Variants in POU2F2 observed in about 807,000 individuals in gnomAD.
POU2F2 encodes POU class 2 homeobox 2.
A neutral mutation model predicts 63.5 loss-of-function variants in POU2F2; 14 were observed. The ratio of observed to expected loss-of-function variants is 0.22; its 90% CI spans 0.15 to 0.34. The LOEUF (loss-of-function observed/expected upper bound fraction) is 0.34, where lower values mean the gene tolerates loss of function less well. Among genes scored for constraint, POU2F2 ranks in the 10% least tolerant of loss-of-function variants. POU2F2 has a pLI of 1.00. For missense variants in POU2F2, 607 were observed against 815.2 expected, an observed-to-expected ratio of 0.74 and a Z score of 3.11; for synonymous variants, 306 against 348.6, an observed-to-expected ratio of 0.88 and a Z score of 1.36.
Position 42,153,677 on chromosome 19 carries a change from G to C in POU2F2, c.-9+6655C>G, listed in dbSNP as rs1405932257. ...TTTCTCTGTGTGTCTATGTGATGCT[G>C]TGTGTCCCTGTGTGCCGATGGTCGA... On this transcript the variant is annotated intron_variant, in intron 2 of 6. Coordinates refer to the POU2F2 transcript ENST00000524801. This position sits in a 1 kb window ranked among gnomAD's most constrained non-coding sequence, Gnocchi z 5.6. 6.6e-6 allele frequency among the ~76,000 whole-genome samples: 1 copy of C among 152,184 alleles called. No individual in the cohort carries two copies. The highest frequency in any genetic ancestry group is 2.4e-5 in the African/African-American group (1 of 41,452).
Position 42,096,260 on chromosome 19 carries a change from G to A in POU2F2, c.568-17C>T. The A allele has an allele frequency of 6.5e-7, 1 of 1,542,336 alleles. No homozygotes were observed. The highest frequency in any genetic ancestry group is 1.2e-5 in the South Asian group (1 of 80,784). ...GGTCACGGCCTGGTGGGGTGGGCAG[G>A]TGGGTGGGATGCAGGGCGGAGGACC... On this transcript the variant is annotated splice_polypyrimidine_tract_variant and intron_variant, in intron 7 of 14. Transcript: ENST00000692977. The surrounding 1 kb of genome is among the most constrained non-coding windows in gnomAD (Gnocchi z 4.1).
intron 1 of POU2F2, among the ~76,000 whole-genome samples, chr19:42,195,455 C>T (rs1283186667): frequency 1.3e-5 from 2 of 151,386 alleles, no homozygotes; most frequent in African/African-American, 2.4e-5. Flanking sequence ...GCCTCAGCCT[C>T]CCCAGTACCT....
At chr19:42,166,504 A>G (rs1438756354) in intron 1 of POU2F2, among the ~76,000 whole-genome samples, 1 of 152,204 alleles carries the variant, frequency 6.6e-6, no homozygotes, top group East Asian at 1.9e-4. Context: ...GAGGCTTAAA[A>G]GGAGTGATGT....
rs2076748665 is a variant in POU2F2 at position 42,092,214 on chromosome 19, C to A, written c.1321G>T (p.Gly441Cys). ...GGCGCAGCCCCGCCCCCGCCCCCAC[C>A]CCCTCCAGCTGTCCGGCTGGGGTGG... ...TLHPSRTAGGGGGGGGAAPPL... is the reference protein window; with the variant it reads ...TLHPSRTAGGCGGGGGAAPPL... The change falls in exon 13 of 15, where the codon GGT (glycine) becomes TGT (cysteine). Residue 441 changes from glycine (G) to cysteine (C), a missense_variant. Coordinates refer to ENST00000692977, the MANE Select transcript of POU2F2 (RefSeq NM_001394376.1). The surrounding 1 kb of genome is among the most constrained non-coding windows in gnomAD (Gnocchi z 5.0). 1 of 1,568,952 alleles carries A rather than the reference C, an allele frequency of 6.4e-7. No individual in the cohort carries two copies. The highest frequency in any genetic ancestry group is 1.3e-5 in the African/African-American group (1 of 74,508).
At chr19:42,129,432 G>A (rs1031350610) in intron 1 of POU2F2, among the ~76,000 whole-genome samples, 1 of 151,926 alleles carries the variant, frequency 6.6e-6, no homozygotes, top group African/African-American at 2.4e-5. Flanking sequence ...GGGACTCTTG[G>A]TCCTCTCCAC....
chr19:42,122,620 C>T, intron 1 of POU2F2, 44 bp from the exon 2 acceptor site: 1 of 1,471,428 alleles, frequency 6.8e-7, no homozygotes, highest in Non-Finnish European at 9.2e-7. Flanking sequence ...GGAGGGGAAT[C>T]CAGGAGGGCT....
At position 42,153,749 on chromosome 19, in the gene POU2F2, G is replaced by A. The variant is rs531060493; in HGVS notation, c.-9+6583C>T. Among the ~76,000 whole-genome samples, 2 of 152,262 alleles carry A rather than the reference G, an allele frequency of 1.3e-5. No individual in the cohort carries two copies. Among genetic ancestry groups the A allele is most frequent in the Admixed American group, 1.3e-4 (2 of 15,312 alleles). ...GGAGGCTCTGGGTGTGTCCCTGTGT[G>A]TGTCATGGTGACTTGGTGTAGACGG... is the stretch of plus-strand genomic sequence containing the variant. On this transcript the variant is annotated intron_variant, in intron 2 of 6. Transcript: ENST00000524801. The surrounding 1 kb of genome is among the most constrained non-coding windows in gnomAD (Gnocchi z 5.6).
chr19:42,163,636 A>G (rs1213682898), intron 1 of POU2F2, among the ~76,000 whole-genome samples: 3 of 152,060 alleles, frequency 2.0e-5, no homozygotes, highest in African/African-American at 7.2e-5. Context: ...TCCCTCCCTG[A>G]GGGAGGCCAG....
upstream of POU2F2, among the ~76,000 whole-genome samples, chr19:42,134,018 T>G (rs1045605592): frequency 6.6e-6 from 1 of 152,134 alleles, no homozygotes; most frequent in South Asian, 2.1e-4. Context: ...TCCCGTATCG[T>G]AAAGGCCATT....
Position 42,155,065 on chromosome 19 carries a change from T to TG in POU2F2, c.-9+5266dup, listed in dbSNP as rs1020583980. Reference sequence around the variant, plus strand: ...CGTACTCTGCCAGGCATGGCCAGCCTGGGGGGTGGGGGGCCAGGTGTGAGG... The same window carrying TG: ...CGTACTCTGCCAGGCATGGCCAGCCTGGGGGGGTGGGGGGCCAGGTGTGAGG... On this transcript the variant is annotated intron_variant, in intron 2 of 6. Coordinates refer to the POU2F2 transcript ENST00000524801. The surrounding 1 kb of genome is among the most constrained non-coding windows in gnomAD (Gnocchi z 4.2). 1.3e-5 allele frequency among the ~76,000 whole-genome samples: 2 copies of TG among 152,188 alleles called. No homozygotes were observed. Among genetic ancestry groups the TG allele is most frequent in the Non-Finnish European group, 2.9e-5 (2 of 68,026 alleles).
At chr19:42,164,861 C>A (rs888778497) in intron 1 of POU2F2, among the ~76,000 whole-genome samples, 6 of 151,376 alleles carry the variant, frequency 4.0e-5, no homozygotes, top group Admixed American at 1.3e-4. Context: ...ACTCGGGAGG[C>A]TGAGATGGGA....
chr19:42,161,321 G>A (rs975142176), intron 1 of POU2F2, among the ~76,000 whole-genome samples: 1 of 152,146 alleles, frequency 6.6e-6, no homozygotes, highest in Non-Finnish European at 1.5e-5. Flanking sequence ...CCTGCAGGGC[G>A]TCAAGTGCCT....
At chr19:42,099,904 G>T in intron 5 of POU2F2, 83 bp from the exon 6 acceptor site, 1 of 1,123,040 alleles carries the variant, frequency 8.9e-7, no homozygotes, top group Non-Finnish European at 1.3e-6. Flanking sequence ...ACCTTGAGGG[G>T]CTGAAACCAG....
At chr19:42,160,976 T>C (rs191095887) in intron 1 of POU2F2, among the ~76,000 whole-genome samples, 15 of 152,326 alleles carry the variant, frequency 9.8e-5, no homozygotes, top group Middle Eastern at 6.8e-3. Flanking sequence ...CATCAACAAA[T>C]ATTGAGATTT....
chr19:42,137,564 A>T (rs1046883089), intron 2 of POU2F2, among the ~76,000 whole-genome samples: 9 of 151,984 alleles, frequency 5.9e-5, no homozygotes, highest in African/African-American at 2.2e-4. Flanking sequence ...TCTACAAAAA[A>T]AATTGTTTTA....
intron 5 of POU2F2, among the ~76,000 whole-genome samples, chr19:42,110,242 G>C (rs1410360119): frequency 6.6e-6 from 1 of 152,054 alleles, no homozygotes; most frequent in Non-Finnish European, 1.5e-5. Flanking sequence ...ACTGCAGTGA[G>C]TTATGATGGT....
chr19:42,193,038 G>A (rs1022029435), intron 1 of POU2F2, among the ~76,000 whole-genome samples: 20 of 151,188 alleles, frequency 1.3e-4, no homozygotes, highest in Admixed American at 1.3e-3. Context: ...GGCTAACACG[G>A]TGAAATCCCG....
At chr19:42,111,859 G>A (rs867651686) in intron 5 of POU2F2, among the ~76,000 whole-genome samples, 1 of 152,116 alleles carries the variant, frequency 6.6e-6, no homozygotes, top group South Asian at 2.1e-4. Flanking sequence ...CACTCCACTA[G>A]GGCAAGCTCT....
intron 2 of POU2F2, among the ~76,000 whole-genome samples, chr19:42,144,713 T>C (rs2034196151): frequency 6.6e-6 from 1 of 152,268 alleles, no homozygotes; most frequent in Non-Finnish European, 1.5e-5. Flanking sequence ...TTTTGGCATC[T>C]TCCCAACAAT....
Sources: allele counts gnomAD v4.1 joint callset (sites outside exome capture counted in the v4.1 genomes callset), GRCh38; gene constraint gnomAD v4.1.1; non-coding constraint Gnocchi (gnomAD v3.1); transcripts MANE v1.5; gene names NCBI Gene and HGNC (gene_info 2026-07-23, HGNC 2026-07-21).